The following RASA3 variants were observed in gnomAD, a reference collection of about 807,000 sequenced individuals.
RASA3 encodes RAS p21 protein activator 3.
In RASA3, 73 loss-of-function variants were observed where a neutral mutation model predicts 110.0. The ratio of observed to expected loss-of-function variants is 0.66; its 90% CI spans 0.55 to 0.81. RASA3 has a LOEUF of 0.81. Ranked by LOEUF, RASA3 falls within the 30% of genes least tolerant of loss-of-function variation. RASA3 has a pLI of 0.00. For missense variants in RASA3, 976 were observed against 1,113.2 expected (o/e 0.88, Z 1.75); for synonymous variants, 500 against 451.4 (o/e 1.11, Z -1.37).
At chr13:113,996,355 G>A (rs959366408) in intron 21 of RASA3, among the ~76,000 whole-genome samples, 176 bp downstream of exon 21, 3 of 152,188 alleles carry the variant, frequency 2.0e-5, no homozygotes, top group African/African-American at 7.2e-5. Flanking sequence ...CTGGGCCCCA[G>A]ATGCTCCCTC....
At chr13:113,994,937 G>A (rs370979910) in intron 21 of RASA3, among the ~76,000 whole-genome samples, 322 of 152,352 alleles carry the variant, frequency 2.1e-3, no homozygotes, top group Middle Eastern at 0.014. Flanking sequence ...TTGCACCACT[G>A]TACTCCAGCC....
intron 1 of RASA3, among the ~76,000 whole-genome samples, chr13:114,099,582 C>G (rs1202912587): frequency 6.6e-6 from 1 of 150,672 alleles, no homozygotes; most frequent in Non-Finnish European, 1.5e-5. Context: ...TAAAACTGGC[C>G]CAAATGCAGG....
intron 1 of RASA3, among the ~76,000 whole-genome samples, chr13:114,082,560 T>A (rs995370647): frequency 6.6e-6 from 1 of 152,234 alleles, no homozygotes; most frequent in Non-Finnish European, 1.5e-5. Flanking sequence ...CAAAGGGAAC[T>A]GGGTCTTTCT....
chr13:114,060,240 G>GGTCAGAA (rs892225511), intron 2 of RASA3, among the ~76,000 whole-genome samples: 1 of 152,204 alleles, frequency 6.6e-6, no homozygotes, highest in Non-Finnish European at 1.5e-5. Flanking sequence ...CGAGGTCAGA[G>GGTCAGAA]GTCAGGGTGC....
chr13:114,042,729 G>T (rs1244298945), intron 3 of RASA3, among the ~76,000 whole-genome samples: 1 of 152,228 alleles, frequency 6.6e-6, no homozygotes. Context: ...AACTTCCGCA[G>T]GCTCCCATCG....
At chr13:114,087,455 G>A (rs9525253) in intron 1 of RASA3, among the ~76,000 whole-genome samples, 44,188 of 152,202 alleles carry the variant, frequency 0.29, 7,738 homozygotes, top group Non-Finnish European at 0.4. Context: ...AGGAGTCCAC[G>A]CAGAGACCTC....
chr13:114,011,103 G>C lies in RASA3; in HGVS notation c.1590+68C>G, dbSNP rs942402154. On this transcript the variant is annotated intron_variant, in intron 16 of 23. Transcript: ENST00000334062. This position sits in a 1 kb window ranked among gnomAD's most constrained non-coding sequence, Gnocchi z 4.8. ...CTCTCAAATGTGGGAGGTTTTTCAC[G>C]TGTATTTTCTGAAGAGAGAAAAGAA... 6.5e-6 allele frequency: 9 copies of C among 1,383,696 alleles called. No individual in the cohort carries two copies. Among genetic ancestry groups the C allele is most frequent in the Non-Finnish European group, 9.1e-6 (9 of 983,710 alleles). 85.7% of individuals were successfully genotyped at this position (1,383,696 alleles called of 1,614,324 possible).
rs545914943 is a variant in RASA3 at position 113,979,017 on chromosome 13, C to T, written c.*330G>A. ...GCATGTCACAGTCGACTAGACGGGC[C>T]GTGGCTCCCTGAGGCTGGCTGTGGT... On this transcript the variant is annotated 3_prime_UTR_variant, in exon 24 of 24. Coordinates refer to ENST00000334062, the MANE Select transcript of RASA3 (RefSeq NM_007368.4). 25 of 365,826 alleles carry T rather than the reference C, an allele frequency of 6.8e-5. No homozygotes were observed. Among genetic ancestry groups the T allele is most frequent in the East Asian group, 3.3e-4 (6 of 18,146 alleles). 22.7% of individuals were successfully genotyped at this position (365,826 alleles called of 1,614,324 possible).
At position 114,018,168 on chromosome 13, in the gene RASA3, G is replaced by A. The variant is rs370185394; in HGVS notation, c.1027C>T (p.Leu343=). ...AATGGCACCACCCTGCCATAGTGTA[G>A]GAAGAGCCGCACCAGCGGGACGGCC... The part of the protein sequence containing the change: ...EAAVPLVRLF[L]HYGRVVPFIS... Residue 343 remains leucine, a synonymous_variant, in exon 11 of 24, where the codon CTA becomes TTA. Transcript: ENST00000334062. The A allele has an allele frequency of 1.3e-6, 2 of 1,551,040 alleles. No individual in the cohort carries two copies. The highest frequency in any genetic ancestry group is 2.7e-5 in the African/African-American group (2 of 73,072).
intron 4 of RASA3, among the ~76,000 whole-genome samples, chr13:114,032,028 G>A (rs747331320): frequency 2.0e-5 from 3 of 152,144 alleles, no homozygotes; most frequent in African/African-American, 4.8e-5. Flanking sequence ...GCCTTGAGTG[G>A]TAAATCACCT....
At position 114,021,581 on chromosome 13, in the gene RASA3, T is replaced by TGGAGCAAAG. The variant is rs2053928323; in HGVS notation, c.681-74_681-73insCTTTGCTCC. The TGGAGCAAAG allele has an allele frequency of 4.8e-6, 6 of 1,247,862 alleles. No homozygotes were observed. The African/African-American group carries it at 8.8e-5, about 18-fold the overall frequency. The allele number at this position is 1,247,862 out of a possible 1,614,324, so 77.3% of individuals were successfully genotyped here. A position where few individuals can be genotyped will look rare whatever the true frequency, so the allele number is the denominator to read the frequency against. On this transcript the variant is annotated intron_variant, in intron 8 of 23. Transcript: ENST00000334062. The stretch of plus-strand genomic sequence containing the variant: ...GTGGAGCAAAGATGACAGGCCACGC[T>TGGAGCAAAG]TTGTTCCCCCAGGAGCAGAATGGAG...
intron 1 of RASA3, among the ~76,000 whole-genome samples, chr13:114,094,560 C>T (rs563678669): frequency 6.2e-4 from 95 of 152,230 alleles, no homozygotes; most frequent in Non-Finnish European, 5.7e-4. Flanking sequence ...GAATCGTACA[C>T]TTTAAAATTC....
chr13:114,111,987 G>A (rs912641985), intron 1 of RASA3, among the ~76,000 whole-genome samples: 2 of 152,242 alleles, frequency 1.3e-5, no homozygotes, highest in African/African-American at 2.4e-5. Context: ...AGGAACAGGC[G>A]AGGGTGGGAG....
At chr13:114,121,281 G>T (rs1452311312) in intron 1 of RASA3, among the ~76,000 whole-genome samples, 1 of 152,220 alleles carries the variant, frequency 6.6e-6, no homozygotes, top group Non-Finnish European at 1.5e-5. Context: ...CTGGGACCAG[G>T]CCCCTGAGAG....
At chr13:113,988,873 C>T (rs976380175) in intron 22 of RASA3, among the ~76,000 whole-genome samples, 3 of 150,998 alleles carry the variant, frequency 2.0e-5, no homozygotes, top group African/African-American at 7.3e-5. Context: ...CCCATTGGTC[C>T]ATCTGCCCAT....
At chr13:114,080,420 G>T (rs896672885) in intron 1 of RASA3, among the ~76,000 whole-genome samples, 1 of 152,204 alleles carries the variant, frequency 6.6e-6, no homozygotes, top group African/African-American at 2.4e-5. Context: ...CAGGGGGTCT[G>T]CCTGTCGTCC....
At chr13:114,046,790 C>A (rs940459071) in intron 3 of RASA3, among the ~76,000 whole-genome samples, 17 of 152,206 alleles carry the variant, frequency 1.1e-4, no homozygotes, top group African/African-American at 4.1e-4. Flanking sequence ...CCACACAATG[C>A]AGCCAACTAA....
chr13:114,121,408 C>A (rs1372453731), intron 1 of RASA3, among the ~76,000 whole-genome samples: 3 of 152,182 alleles, frequency 2.0e-5, no homozygotes, highest in Admixed American at 6.5e-5. Context: ...CAGATTGGCC[C>A]GTGTCTTCTG....
At chr13:114,113,056 G>A (rs1364170789) in intron 1 of RASA3, among the ~76,000 whole-genome samples, 2 of 152,170 alleles carry the variant, frequency 1.3e-5, no homozygotes, top group Non-Finnish European at 2.9e-5. Context: ...AGCCTTTCCC[G>A]ACTTGGGGGC....
Sources: gnomAD v4.1 joint callset for allele counts (sites outside exome capture counted in the v4.1 genomes callset) on GRCh38, gnomAD v4.1.1 for gene constraint, Gnocchi (gnomAD v3.1) non-coding constraint, MANE v1.5 for transcripts, NCBI Gene and HGNC (gene_info 2026-07-23, HGNC 2026-07-21) for gene names.